The following CEP350 variants were observed in gnomAD, a reference collection of about 807,000 sequenced individuals.
CEP350 encodes the protein centrosomal protein 350.
CEP350 carries 126 observed loss-of-function variants against 331.8 expected under a neutral mutation model. The ratio of observed to expected loss-of-function variants is 0.38; its 90% confidence interval spans 0.33 to 0.44. The LOEUF is 0.44. CEP350 is among the 20% of genes least tolerant of loss of function. The pLI is 1.00. For missense variants in CEP350, 3,406 were observed against 3,634.6 expected, an observed-to-expected ratio of 0.94 and a Z score of 1.62; for synonymous variants, 1,200 against 1,259.5, an observed-to-expected ratio of 0.95 and a Z score of 1.00.
chr1:179,998,967 TAAC>T (rs1230099837), intron 6 of CEP350, among the ~76,000 whole-genome samples: 6 of 152,214 alleles, frequency 3.9e-5, no homozygotes, highest in South Asian at 2.1e-4. Context: ...TTTTTATTAA[TAAC>T]AACACAATTC....
At chr1:180,080,693 G>A (rs1352697102) in intron 30 of CEP350, 32 bp downstream of exon 30, 16 of 1,596,922 alleles carry the variant, frequency 1.0e-5, no homozygotes, top group African/African-American at 1.3e-5. Context: ...TTTTATTTGT[G>A]TTGTATTTGA....
intron 8 of CEP350, among the ~76,000 whole-genome samples, chr1:180,011,350 T>C (rs759245519): frequency 2.0e-5 from 3 of 152,212 alleles, no homozygotes; most frequent in Admixed American, 2.0e-4. Context: ...AGCAAACATA[T>C]TATTTTATCA....
Position 180,033,989 on chromosome 1 carries a change from CCAACTATAA to C in CEP350, c.3856_3864del (p.Thr1286_Thr1288del). On this transcript the variant is annotated inframe_deletion, in exon 16 of 38. Coordinates refer to ENST00000367607, the MANE Select transcript of CEP350 (RefSeq NM_014810.5). ...AAGATCTAAGTCGTCAGTAATGCCT[CCAACTATAA>C]CAGGATTTAAGCCTAATGCACCTCT... 1.2e-6 allele frequency: 2 copies of C among 1,613,842 alleles called. No individual in the cohort carries two copies. Among genetic ancestry groups the C allele is most frequent in the South Asian group, 2.2e-5 (2 of 91,080 alleles).
chr1:180,104,860 C>T (rs368013988), intron 37 of CEP350, among the ~76,000 whole-genome samples: 1 of 152,166 alleles, frequency 6.6e-6, no homozygotes, highest in Admixed American at 6.5e-5. Flanking sequence ...TTCTTGAAGG[C>T]AAAAGCACTT....
intron 7 of CEP350, 115 bp from the exon 8 acceptor site, chr1:180,006,339 G>T (rs770170760): frequency 1.6e-6 from 1 of 631,266 alleles, no homozygotes; most frequent in Non-Finnish European, 2.9e-6. Flanking sequence ...CTCAGTGTAG[G>T]TTTCTTTCTC....
At chr1:180,008,063 A>G (rs1654381079) in intron 8 of CEP350, among the ~76,000 whole-genome samples, 1 of 152,010 alleles carries the variant, frequency 6.6e-6, no homozygotes. Context: ...ATTAAAGGTA[A>G]TTTTTATGTT....
At chr1:179,987,529 A>AT (rs1652723464) in intron 3 of CEP350, among the ~76,000 whole-genome samples, 1 of 148,214 alleles carries the variant, frequency 6.7e-6, no homozygotes. Context: ...CATATATAAT[A>AT]TATAATATAT....
chr1:180,055,063 C>T (rs1431869541), intron 25 of CEP350, among the ~76,000 whole-genome samples: 1 of 152,106 alleles, frequency 6.6e-6, no homozygotes, highest in Non-Finnish European at 1.5e-5. Flanking sequence ...GTCTCAGTTT[C>T]CTCATCTGTA....
At chr1:179,977,308 A>T (rs1208085772) in intron 1 of CEP350, among the ~76,000 whole-genome samples, 4 of 152,014 alleles carry the variant, frequency 2.6e-5, no homozygotes, top group Non-Finnish European at 5.9e-5. Context: ...TTTTGAAGGC[A>T]TAATTTGTGA....
intron 20 of CEP350, 74 bp from the exon 21 acceptor site, chr1:180,043,977 C>A: frequency 1.6e-6 from 2 of 1,247,844 alleles, no homozygotes; most frequent in Non-Finnish European, 2.1e-6. Flanking sequence ...TCTCATATTA[C>A]TATTAAGCAA....
rs753408197 is a variant in CEP350, at chr1:180,020,499, G to C, written c.2725G>C (p.Asp909His). 3 of 1,613,964 alleles carry C rather than the reference G, an allele frequency of 1.9e-6. No homozygotes were observed. The South Asian group carries it at 3.3e-5, about 18-fold the overall frequency. The change falls in exon 12 of 38, where the codon GAT (aspartate) becomes CAT (histidine). Residue 909 changes from aspartate (D) to histidine (H), a missense_variant. Transcript: ENST00000367607. ...SCVSHATFDD[D>H]LPGVGNLSEF... ...TGTATCTCATGCAACTTTTGATGAT[G>C]ATCTTCCTGGTGTAGGCAATCTTAG...
At chr1:180,007,839 C>CGTGTGTGTGTGTGTGTGTGT (rs71118426) in intron 8 of CEP350, among the ~76,000 whole-genome samples, 2 of 141,010 alleles carry the variant, frequency 1.4e-5, no homozygotes, top group African/African-American at 2.6e-5. Context: ...TTTTATGTAT[C>CGTGTGTGTGTGTGTGTGTGT]GTGTGTGTGT....
intron 1 of CEP350, among the ~76,000 whole-genome samples, chr1:179,982,179 C>T (rs1441088552): frequency 6.6e-6 from 1 of 152,160 alleles, no homozygotes; most frequent in Non-Finnish European, 1.5e-5. Flanking sequence ...TTAGCAGTAC[C>T]TCAGAAGCAC....
In CEP350 at chr1:180,011,951, A is replaced by G. The variant is rs1046310972; in HGVS notation, c.1269A>G (p.Thr423=). ...TAGGTAGTAGTCATCTTATAAGTACATCTTCTTGGCGAGATGGACAAAAAT... is the reference window on the plus strand; with the variant it reads ...TAGGTAGTAGTCATCTTATAAGTACGTCTTCTTGGCGAGATGGACAAAAAT... ...CRTGSSHLIS[T]SSWRDGQKLV... is the part of the protein sequence containing the mutation. Residue 423 remains threonine, a synonymous_variant, in exon 9 of 38, where the codon ACA becomes ACG. Coordinates refer to ENST00000367607, the MANE Select transcript of CEP350 (RefSeq NM_014810.5). 2.5e-6 allele frequency: 4 copies of G among 1,602,314 alleles called. No homozygotes were observed. The African/African-American group carries it at 5.4e-5, about 21-fold the overall frequency.
chr1:180,041,833 A>G (rs1384046823), intron 19 of CEP350, 31 bp downstream of exon 19: 1 of 1,589,122 alleles, frequency 6.3e-7, no homozygotes, highest in East Asian at 2.3e-5. Context: ...TTCTCTTTTT[A>G]CTTCTTTTTA....
chr1:180,013,549 C>T lies in CEP350; in HGVS notation c.1394-298C>T, dbSNP rs142283448. On this transcript the variant is annotated intron_variant, in intron 9 of 37. Transcript: ENST00000367607. ...CTAAATATGTATATAAGAGAGAAATCGAAATGCTAAATATTCATAACAACC... is the reference window on the plus strand; with the variant it reads ...CTAAATATGTATATAAGAGAGAAATTGAAATGCTAAATATTCATAACAACC... 5.5e-3 allele frequency among the ~76,000 whole-genome samples: 842 copies of T among 152,026 alleles called. 1 individual carries two copies. Among genetic ancestry groups the T allele is most frequent in the Middle Eastern group, 0.031 (9 of 294 alleles).
chr1:179,999,686 T>G (rs1653733101), intron 6 of CEP350, among the ~76,000 whole-genome samples: 1 of 152,176 alleles, frequency 6.6e-6, no homozygotes, highest in Non-Finnish European at 1.5e-5. Flanking sequence ...AGGTTACTTG[T>G]GTTAACAATT....
rs1369553028 is a variant in CEP350 at position 180,006,562 on chromosome 1, GAACAGGTTAGTTTTCTC to G, written c.1246_1246+16del. 5 of 1,461,244 alleles carry G rather than the reference GAACAGGTTAGTTTTCTC, an allele frequency of 3.4e-6. No homozygotes were observed. Among genetic ancestry groups the G allele is most frequent in the Non-Finnish European group, 4.7e-6 (5 of 1,064,154 alleles). 90.5% of individuals were successfully genotyped at this position (1,461,244 alleles called of 1,614,324 possible). A position where few individuals can be genotyped will look rare whatever the true frequency, so the allele number is the denominator to read the frequency against. ...GCACAGTTATCAAGTACAGAATGCA[GAACAGGTTAGTTTTCTC>G]AACATGTCCATCCTTTTTTTTTGTT... On this transcript the variant is annotated splice_donor_variant and splice_donor_5th_base_variant and coding_sequence_variant and intron_variant, in exon 8 of 38. Transcript: ENST00000367607. LOFTEE classifies it high-confidence loss of function.
chr1:179,968,718 CTTA>C (rs1651205110), intron 1 of CEP350: 2 of 578,286 alleles, frequency 3.5e-6, no homozygotes, highest in Non-Finnish European at 6.7e-6. Flanking sequence ...GAGGAACCCA[CTTA>C]GATGGCACCA....
Sources: allele counts gnomAD v4.1 joint callset (sites outside exome capture counted in the v4.1 genomes callset), GRCh38; gene constraint gnomAD v4.1.1; transcripts MANE v1.5; gene names NCBI Gene and HGNC (gene_info 2026-07-23, HGNC 2026-07-21).